Variants in PPA2 observed in about 807,000 individuals in gnomAD.
PPA2 encodes inorganic pyrophosphatase 2.
PPA2 carries 48 observed loss-of-function variants against 49.5 expected under a neutral mutation model. The observed-to-expected ratio is 0.97, with a 90% CI of 0.77 to 1.23. The LOEUF (loss-of-function observed/expected upper bound fraction) is 1.23. Ranked by LOEUF, PPA2 falls within the 50% of genes most tolerant of loss-of-function variation. PPA2 has a pLI of 0.00. For synonymous variants in PPA2, 131 were observed against 139.9 expected (o/e 0.94, Z 0.45); for missense variants, 429 against 410.1 (o/e 1.05, Z -0.40).
chr4:105,414,320 C>T (rs886494720), intron 7 of PPA2, among the ~76,000 whole-genome samples: 3 of 152,208 alleles, frequency 2.0e-5, no homozygotes, highest in Non-Finnish European at 4.4e-5. Flanking sequence ...CTTCAGCTGT[C>T]GCTTTTCCAG....
At chr4:105,427,235 A>G (rs1723556878) in intron 6 of PPA2, among the ~76,000 whole-genome samples, 1 of 152,168 alleles carries the variant, frequency 6.6e-6, no homozygotes, top group African/African-American at 2.4e-5. Flanking sequence ...AAACCACAAA[A>G]TGGGGAGAAA....
intron 1 of PPA2, among the ~76,000 whole-genome samples, chr4:105,460,383 A>G (rs1185720092): frequency 7.8e-6 from 1 of 128,840 alleles, no homozygotes; most frequent in South Asian, 2.2e-4. Context: ...TCATATGTAA[A>G]TACTACGCCA....
rs1290056096 is a variant in PPA2, at chr4:105,370,836, C to A, written c.976+1G>T. 2 of 1,461,714 alleles carry A rather than the reference C, an allele frequency of 1.4e-6. No homozygotes were observed. Among genetic ancestry groups the A allele is most frequent in the East Asian group, 2.6e-5 (1 of 38,582 alleles). The allele number at this position is 1,461,714 out of a possible 1,614,324, so 90.5% of individuals were successfully genotyped here. On this transcript the variant is annotated splice_donor_variant, in intron 11 of 11. Transcript: ENST00000341695. LOFTEE classifies it high-confidence loss of function. Reference sequence around the variant, plus strand: ...TCTTAATGAATCAAAATATACTATACCTTCTTCATTACTTTCTTTATTTGG... The same window carrying A: ...TCTTAATGAATCAAAATATACTATAACTTCTTCATTACTTTCTTTATTTGG...
At chr4:105,373,830 T>A (rs1462144271) in intron 10 of PPA2, among the ~76,000 whole-genome samples, 2 of 149,538 alleles carry the variant, frequency 1.3e-5, no homozygotes, top group Non-Finnish European at 3.0e-5. Flanking sequence ...TCAGAGATAA[T>A]GATAAAGTTT....
At chr4:105,388,943 T>G (rs1345536142) in intron 9 of PPA2, among the ~76,000 whole-genome samples, 1 of 151,998 alleles carries the variant, frequency 6.6e-6, no homozygotes, top group Non-Finnish European at 1.5e-5. Flanking sequence ...GGATGAAAGA[T>G]TACAAAGTTC....
chr4:105,458,422 T>C (rs755383907), intron 1 of PPA2, among the ~76,000 whole-genome samples: 17 of 152,190 alleles, frequency 1.1e-4, no homozygotes, highest in Non-Finnish European at 1.6e-4. Flanking sequence ...GTGCGGAGTA[T>C]GCTGGAATCC....
chr4:105,398,975 G>A (rs922192397), intron 8 of PPA2, 62 bp downstream of exon 8: 1 of 1,544,460 alleles, frequency 6.5e-7, no homozygotes, highest in Non-Finnish European at 8.7e-7. Flanking sequence ...AACTTCCCAA[G>A]TGAAACGAAT....
intron 9 of PPA2, among the ~76,000 whole-genome samples, chr4:105,390,049 A>G (rs2110381064): frequency 6.6e-6 from 1 of 152,320 alleles, no homozygotes; most frequent in Middle Eastern, 3.4e-3. Context: ...AGATGAAAAC[A>G]AGCAATGGGG....
intron 9 of PPA2, among the ~76,000 whole-genome samples, chr4:105,388,290 T>G (rs1733762825): frequency 6.6e-6 from 1 of 152,138 alleles, no homozygotes; most frequent in African/African-American, 2.4e-5. Context: ...CTGTTAAATC[T>G]GATAACCCTA....
At chr4:105,442,342 T>A (rs28417349) in intron 5 of PPA2, among the ~76,000 whole-genome samples, 5,025 of 152,228 alleles carry the variant, frequency 0.033, 275 homozygotes, top group African/African-American at 0.11. Context: ...GGTAGTATGA[T>A]CATACAGATA....
intron 6 of PPA2, among the ~76,000 whole-genome samples, chr4:105,425,240 A>T (rs564670265): frequency 2.0e-5 from 3 of 152,368 alleles, no homozygotes; most frequent in Admixed American, 6.5e-5. Context: ...GGAAAAAATT[A>T]AAAATCATTC....
intron 4 of PPA2, 147 bp from the exon 5 acceptor site, chr4:105,446,649 C>A: frequency 9.9e-7 from 1 of 1,008,440 alleles, no homozygotes; most frequent in Non-Finnish European, 1.4e-6. Context: ...AGAAATTAAG[C>A]CAGCTCTTAT....
rs1722387350 is a variant in PPA2 at position 105,446,417 on chromosome 4, T to C, written c.407A>G (p.Lys136Arg). The change falls in exon 5 of 12, where the codon AAG becomes AGG. Residue 136 changes from lysine to arginine, a missense_variant. By Grantham distance (26) the Lys-to-Arg change is conservative (BLOSUM62 2). Coordinates refer to ENST00000341695, the MANE Select transcript of PPA2 (RefSeq NM_176869.3). ...GGTACCATAATTCCATATATAACCCTTGTAAGGGAAGATATTCGCCACATA... is the reference window on the plus strand; with the variant it reads ...GGTACCATAATTCCATATATAACCCCTGTAAGGGAAGATATTCGCCACATA... ...LRYVANIFPY[K>R]GYIWNYGTLP... The C allele has an allele frequency of 6.2e-7, 1 of 1,605,404 alleles. No homozygotes were observed. Among genetic ancestry groups the C allele is most frequent in the East Asian group, 2.3e-5 (1 of 44,328 alleles).
At chr4:105,413,552 T>C (rs1213885474) in intron 7 of PPA2, among the ~76,000 whole-genome samples, 2 of 152,198 alleles carry the variant, frequency 1.3e-5, no homozygotes, top group African/African-American at 2.4e-5. Context: ...ATATATGCCT[T>C]ATTAGAAGTC....
chr4:105,435,397 C>A (rs983624386), intron 6 of PPA2, among the ~76,000 whole-genome samples: 30 of 152,220 alleles, frequency 2.0e-4, no homozygotes, highest in Admixed American at 1.9e-3. Flanking sequence ...ATTCAGAGAA[C>A]ACTTGAGAGA....
chr4:105,455,859 G>A (rs190822093), intron 2 of PPA2, among the ~76,000 whole-genome samples: 5 of 152,186 alleles, frequency 3.3e-5, no homozygotes, highest in Admixed American at 2.6e-4. Context: ...CCAAATTAAC[G>A]AGTTACATAT....
intron 7 of PPA2, among the ~76,000 whole-genome samples, chr4:105,415,088 G>T (rs1383983147): frequency 6.6e-6 from 1 of 152,166 alleles, no homozygotes; most frequent in Non-Finnish European, 1.5e-5. Flanking sequence ...TGTGCTGATT[G>T]GCCCATGGGC....
intron 7 of PPA2, among the ~76,000 whole-genome samples, chr4:105,410,997 C>T (rs971068390): frequency 2.6e-5 from 4 of 152,166 alleles, no homozygotes; most frequent in Non-Finnish European, 5.9e-5. Flanking sequence ...TATGAAGAAA[C>T]AGCATAAATT....
intron 6 of PPA2, 139 bp from the exon 7 acceptor site, chr4:105,424,461 G>A (rs1723398925): frequency 1.3e-6 from 1 of 769,196 alleles, no homozygotes; most frequent in African/African-American, 1.8e-5. Flanking sequence ...TATGAAAATA[G>A]CCAAAGTCTG....
Sources: gnomAD v4.1 joint callset for allele counts (sites outside exome capture counted in the v4.1 genomes callset) on GRCh38, gnomAD v4.1.1 for gene constraint, MANE v1.5 for transcripts, NCBI Gene and HGNC (gene_info 2026-07-23, HGNC 2026-07-21) for gene names.